Variants in PRKAR1B observed in about 807,000 individuals in gnomAD.
PRKAR1B encodes the protein cAMP-dependent protein kinase type I-beta regulatory subunit.
In PRKAR1B, 22 loss-of-function variants were observed where a neutral mutation model predicts 46.5. That is an observed-to-expected ratio of 0.47 (90% CI 0.34 to 0.68). The LOEUF (loss-of-function observed/expected upper bound fraction) is 0.68, where lower values mean the gene tolerates loss of function less well. PRKAR1B is among the 30% of genes least tolerant of loss of function. PRKAR1B has a pLI of 0.01. For missense variants in PRKAR1B, 445 were observed against 535.6 expected (o/e 0.83, Z 1.67); for synonymous variants, 259 against 217.7 (o/e 1.19, Z -1.67).
chr7:692,688 C>T (rs116096544), intron 2 of PRKAR1B, among the ~76,000 whole-genome samples: 5,071 of 152,190 alleles, frequency 0.033, 306 homozygotes, highest in African/African-American at 0.12. Flanking sequence ...GGCCAAACTG[C>T]GCTCATACCA....
rs1583461752 is a variant in PRKAR1B at position 720,774 on chromosome 7, A to T, written c.-23+6436T>A. ...ATTTCAACAGCCACTCCCGCTTTTT[A>T]AAATTTATGTTTACATGATACTCTT... On this transcript the variant is annotated intron_variant, in intron 1 of 10. Coordinates refer to ENST00000537384, the MANE Select transcript of PRKAR1B (RefSeq NM_001164760.2). Among the ~76,000 whole-genome samples, 3 of 152,146 alleles carry T rather than the reference A, an allele frequency of 2.0e-5. No homozygotes were observed. In the South Asian group the frequency reaches 6.2e-4, roughly 32 times the overall value.
intron 4 of PRKAR1B, among the ~76,000 whole-genome samples, chr7:635,987 C>T (rs1412501393): frequency 9.7e-6 from 1 of 102,966 alleles, no homozygotes; most frequent in Non-Finnish European, 2.1e-5. Context: ...CGGCCGCGCC[C>T]TCACGTCCTC....
chr7:614,938 A>G (rs62431458), intron 4 of PRKAR1B, among the ~76,000 whole-genome samples: 1 of 151,354 alleles, frequency 6.6e-6, no homozygotes. Context: ...TCAGCTGGGC[A>G]TGGTAGCATG....
In PRKAR1B at chr7:644,571, A is replaced by C. The variant is rs1287593770; in HGVS notation, c.440+32658T>G. ...GGAGCCCTCCCAGCACTGAGGGGGC[A>C]CCAGTCTGGCCATGCGAGTGCCCAC... On this transcript the variant is annotated intron_variant, in intron 4 of 10. Coordinates refer to ENST00000537384, the MANE Select transcript of PRKAR1B (RefSeq NM_001164760.2). This position sits in a 1 kb window ranked among gnomAD's most constrained non-coding sequence, Gnocchi z 4.9. Among the ~76,000 whole-genome samples, 4 of 152,096 alleles carry C rather than the reference A, an allele frequency of 2.6e-5. No homozygotes were observed. The highest frequency in any genetic ancestry group is 6.5e-5 in the Admixed American group (1 of 15,270).
intron 3 of PRKAR1B, 121 bp downstream of exon 3, chr7:680,435 A>G: frequency 9.6e-7 from 1 of 1,038,966 alleles, no homozygotes; most frequent in South Asian, 1.7e-5. Flanking sequence ...CCTCCCTCCA[A>G]CCAGGATGAC....
In PRKAR1B at chr7:616,398, C is replaced by T. The variant is rs566000208; in HGVS notation, c.441-8946G>A. Among the ~76,000 whole-genome samples the T allele has an allele frequency of 3.9e-5, 6 of 152,378 alleles. No homozygotes were observed. The South Asian group carries it at 1.2e-3, about 32-fold the overall frequency. ...GCCAAACGCAGCCACCACCTGTGCCCACCAGGCCTGCCTGGCTCACTTTGT... is the reference window on the plus strand; with the variant it reads ...GCCAAACGCAGCCACCACCTGTGCCTACCAGGCCTGCCTGGCTCACTTTGT... On this transcript the variant is annotated intron_variant, in intron 4 of 10. Transcript: ENST00000537384.
intron 4 of PRKAR1B, among the ~76,000 whole-genome samples, chr7:640,394 A>G (rs1459798901): frequency 6.6e-6 from 1 of 152,190 alleles, no homozygotes; most frequent in South Asian, 2.1e-4. Context: ...CATTTTACCA[A>G]AGAAGTTAAA....
intron 4 of PRKAR1B, among the ~76,000 whole-genome samples, chr7:634,570 A>C (rs1174407522): frequency 6.6e-6 from 1 of 150,744 alleles, no homozygotes; most frequent in East Asian, 1.9e-4. Context: ...GCCTGTGATG[A>C]TTTTCCTGCT....
At chr7:695,154 G>A (rs944497115) in intron 2 of PRKAR1B, among the ~76,000 whole-genome samples, 7 of 152,154 alleles carry the variant, frequency 4.6e-5, no homozygotes, top group Non-Finnish European at 8.8e-5. Context: ...ATGACCAGAC[G>A]ACCGCTCAGC....
At chr7:695,585 G>C (rs1164507444) in intron 2 of PRKAR1B, among the ~76,000 whole-genome samples, 1 of 152,190 alleles carries the variant, frequency 6.6e-6, no homozygotes, top group East Asian at 1.9e-4. Flanking sequence ...GCCCACTGGA[G>C]TCTGCAAGCT....
intron 9 of PRKAR1B, among the ~76,000 whole-genome samples, chr7:570,268 G>T (rs1013114738): frequency 2.0e-5 from 3 of 152,208 alleles, no homozygotes; most frequent in Non-Finnish European, 4.4e-5. Context: ...GGCCAAGGGT[G>T]GGCCAGGGAT....
Position 654,997 on chromosome 7 carries a change from A to C in PRKAR1B, c.440+22232T>G, listed in dbSNP as rs372532861. On this transcript the variant is annotated intron_variant, in intron 4 of 10. Transcript: ENST00000537384. ...CAGGCTAGACAGGGCCCCTTTCTTT[A>C]GAATCAACTAACCACTTACCACTGC... 2.0e-4 allele frequency among the ~76,000 whole-genome samples: 31 copies of C among 152,336 alleles called. 2 individuals are homozygous for C. In the East Asian group the frequency reaches 2.3e-3, roughly 11 times the overall value.
At chr7:580,045 AAC>A (rs753552626) in intron 8 of PRKAR1B, among the ~76,000 whole-genome samples, 1 of 152,174 alleles carries the variant, frequency 6.6e-6, no homozygotes, top group Non-Finnish European at 1.5e-5. Flanking sequence ...CAGCCTGGGC[AAC>A]ACAGTGAGAT....
At chr7:715,864 C>T (rs962624961) in intron 1 of PRKAR1B, among the ~76,000 whole-genome samples, 11 of 151,648 alleles carry the variant, frequency 7.3e-5, no homozygotes, top group Admixed American at 5.3e-4. Flanking sequence ...TACAGGCGCC[C>T]GCCACCGCGC....
At chr7:567,674 G>A (rs147879179) in intron 9 of PRKAR1B, among the ~76,000 whole-genome samples, 20 of 152,302 alleles carry the variant, frequency 1.3e-4, no homozygotes, top group Non-Finnish European at 1.0e-4. Flanking sequence ...CTCAAACAAC[G>A]GAATATTATT....
intron 4 of PRKAR1B, among the ~76,000 whole-genome samples, chr7:645,748 G>A (rs1198616421): frequency 2.6e-5 from 4 of 152,072 alleles, no homozygotes; most frequent in African/African-American, 7.2e-5. Flanking sequence ...GGGCTCCCAG[G>A]GGACCCTGGG....
At chr7:726,509 G>C (rs998548509) in intron 1 of PRKAR1B, 8 of 388,798 alleles carry the variant, frequency 2.1e-5, no homozygotes, top group Non-Finnish European at 3.6e-5. Flanking sequence ...GTACAATGGG[G>C]ACAGGACAAG....
intron 1 of PRKAR1B, chr7:716,623 T>A (rs910575692): frequency 5.3e-5 from 8 of 152,126 alleles, no homozygotes; most frequent in Middle Eastern, 3.2e-3. Flanking sequence ...ATGGATGGTG[T>A]TTGTCTTATT....
At chr7:574,832 C>G (rs917995495) in intron 9 of PRKAR1B, among the ~76,000 whole-genome samples, 1 of 152,258 alleles carries the variant, frequency 6.6e-6, no homozygotes, top group Non-Finnish European at 1.5e-5. Context: ...CAGGCCAACA[C>G]AAATTTGTCT....
Sources: allele counts gnomAD v4.1 joint callset (sites outside exome capture counted in the v4.1 genomes callset), GRCh38; gene constraint gnomAD v4.1.1; non-coding constraint Gnocchi (gnomAD v3.1); transcripts MANE v1.5; gene names NCBI Gene and HGNC (gene_info 2026-07-23, HGNC 2026-07-21).